Variants in CD4 observed in about 807,000 individuals in gnomAD.
The protein encoded by CD4 is CD4 molecule.
Under a neutral mutation model 50.5 loss-of-function variants are expected in CD4, and 25 were observed. That is an observed-to-expected ratio of 0.49 (90% CI 0.36 to 0.69). The LOEUF is 0.69. CD4 is among the 30% of genes least tolerant of loss of function. The pLI, the probability that CD4 is intolerant of heterozygous loss-of-function variation, is 0.00. For synonymous variants in CD4, 207 were observed against 221.9 expected (o/e 0.93, Z 0.60); for missense variants, 456 against 548.5 (o/e 0.83, Z 1.68).
intron 1 of CD4, among the ~76,000 whole-genome samples, chr12:6,795,717 C>T (rs1184450205): frequency 6.6e-6 from 1 of 152,204 alleles, no homozygotes; most frequent in Non-Finnish European, 1.5e-5. Context: ...GGCAGGGCTG[C>T]AGGTGAGGAT....
intron 3 of CD4, among the ~76,000 whole-genome samples, chr12:6,809,462 C>A (rs1243814665): frequency 5.9e-5 from 9 of 151,868 alleles, no homozygotes; most frequent in Admixed American, 4.6e-4. Flanking sequence ...CGCCACTGCA[C>A]CCCAGCCTAG....
intron 1 of CD4, among the ~76,000 whole-genome samples, chr12:6,793,175 C>T (rs911946384): frequency 1.3e-5 from 2 of 152,144 alleles, no homozygotes; most frequent in Admixed American, 1.3e-4. Context: ...CCCACAGCCT[C>T]CTCCACTTAG....
At chr12:6,817,861 A>C (rs1161984877) in intron 7 of CD4, among the ~76,000 whole-genome samples, 1 of 149,474 alleles carries the variant, frequency 6.7e-6, no homozygotes, top group Non-Finnish European at 1.5e-5. Flanking sequence ...ATGTACTCAC[A>C]CATGCATGCA....
At chr12:6,794,809 G>C (rs1487425605) in intron 1 of CD4, among the ~76,000 whole-genome samples, 2 of 71,012 alleles carry the variant, frequency 2.8e-5, no homozygotes, top group Non-Finnish European at 6.3e-5. Context: ...TTTTGAGATA[G>C]AGTCTTGCTC....
In CD4 at chr12:6,814,266, C is replaced by G; in HGVS notation, c.339C>G (p.Asp113Glu). Residue 113 changes from aspartate (D) to glutamate (E), a missense_variant, in exon 4 of 10, where the codon GAC (aspartate) becomes GAG (glutamate). Physicochemically the swap from Asp to Glu is conservative, Grantham distance 45. Coordinates refer to ENST00000011653, the MANE Select transcript of CD4 (RefSeq NM_000616.5). ...ATACTTACATCTGTGAAGTGGAGGACCAGAAGGAGGAGGTGCAATTGCTAG... is the reference window on the plus strand; with the variant it reads ...ATACTTACATCTGTGAAGTGGAGGAGCAGAAGGAGGAGGTGCAATTGCTAG... Reference protein sequence around the residue: ...DSDTYICEVEDQKEEVQLLVF... With the variant: ...DSDTYICEVEEQKEEVQLLVF... 6.2e-7 allele frequency: 1 copy of G among 1,613,920 alleles called. No homozygotes were observed. Among genetic ancestry groups the G allele is most frequent in the Non-Finnish European group, 8.5e-7 (1 of 1,179,894 alleles).
chr12:6,798,772 T>G (rs782502466), intron 1 of CD4: 1 of 152,340 alleles, frequency 6.6e-6, no homozygotes, highest in Non-Finnish European at 1.5e-5. Flanking sequence ...GGCCCTTTGC[T>G]GACCAGGATG....
At chr12:6,814,637 G>T in intron 4 of CD4, 122 bp from the exon 5 acceptor site, 1 of 826,748 alleles carries the variant, frequency 1.2e-6, no homozygotes, top group South Asian at 1.4e-5. Flanking sequence ...GTGCGCAGCT[G>T]GGTGCTGGGA....
chr12:6,804,450 C>T (rs1413276812), intron 3 of CD4, among the ~76,000 whole-genome samples: 1 of 152,144 alleles, frequency 6.6e-6, no homozygotes, highest in Non-Finnish European at 1.5e-5. Flanking sequence ...CTGTAAGAAA[C>T]TTCTTAGAAT....
chr12:6,796,997 C>A (rs1420846521), intron 1 of CD4, among the ~76,000 whole-genome samples: 2 of 152,204 alleles, frequency 1.3e-5, no homozygotes, highest in African/African-American at 2.4e-5. Flanking sequence ...CCCCTTTCCT[C>A]TCCATCTAAC....
chr12:6,815,840 G>A, intron 5 of CD4: 5 of 1,497,836 alleles, frequency 3.3e-6, no homozygotes, highest in Non-Finnish European at 4.5e-6. Flanking sequence ...TGGCTTCCGG[G>A]AGGAGGGAGG....
chr12:6,818,355 G>C lies in CD4; in HGVS notation c.1157-66G>C. ...AGAGACTGGCCAGGAGGGATTGCAGGGCAGTCCTCAGTCCCCTGGCCCGTG... is the reference window on the plus strand; with the variant it reads ...AGAGACTGGCCAGGAGGGATTGCAGCGCAGTCCTCAGTCCCCTGGCCCGTG... On this transcript the variant is annotated intron_variant, in intron 7 of 9. Transcript: ENST00000011653. This position sits in a 1 kb window ranked among gnomAD's most constrained non-coding sequence, Gnocchi z 5.0. The C allele has an allele frequency of 6.3e-7, 1 of 1,589,716 alleles. No individual in the cohort carries two copies. The highest frequency in any genetic ancestry group is 8.6e-7 in the Non-Finnish European group (1 of 1,167,202).
At chr12:6,810,950 G>A (rs1366809404) in intron 3 of CD4, among the ~76,000 whole-genome samples, 1 of 152,106 alleles carries the variant, frequency 6.6e-6, no homozygotes, top group Non-Finnish European at 1.5e-5. Flanking sequence ...GTGCTCTGAG[G>A]AAGCTTGGGG....
rs888759495 is a variant in CD4, at chr12:6,801,747, A to T, written c.214+1276A>T. On this transcript the variant is annotated intron_variant, in intron 3 of 9. Transcript: ENST00000011653. ...GGCTAATTTTTTGTACTTTTAGTAG[A>T]GACAGAGTTTCACGGTGTTAGCCAG... Among the ~76,000 whole-genome samples the T allele has an allele frequency of 4.1e-5, 6 of 145,918 alleles. No homozygotes were observed. In the East Asian group the frequency reaches 1.3e-3, roughly 31 times the overall value.
chr12:6,815,582 C>T (rs1177936459), intron 5 of CD4: 36 of 576,856 alleles, frequency 6.2e-5, no homozygotes, highest in Non-Finnish European at 9.1e-5. Context: ...CTCTCTGCAC[C>T]TTGGTTTCAG....
rs200834897 is a variant in CD4 at position 6,818,398 on chromosome 12, G to A, written c.1157-23G>A. 3 of 1,610,908 alleles carry A rather than the reference G, an allele frequency of 1.9e-6. No homozygotes were observed. The highest frequency in any genetic ancestry group is 1.7e-6 in the Non-Finnish European group (2 of 1,179,718). ...GGCCCGTGGAGGAGGGCGGTGCATT[G>A]AGCACATTTCTCTCCCTTGCAGTTC... On this transcript the variant is annotated intron_variant, in intron 7 of 9. Transcript: ENST00000011653. This position sits in a 1 kb window ranked among gnomAD's most constrained non-coding sequence, Gnocchi z 5.0.
chr12:6,801,540 T>TTTA (rs201461525), intron 3 of CD4, among the ~76,000 whole-genome samples: 154 of 148,668 alleles, frequency 1.0e-3, no homozygotes, highest in Non-Finnish European at 1.8e-3. Flanking sequence ...AAGCTGCANA[T>TTTA]TTATTATTAT....
rs1424943726 is a variant in CD4 at position 6,818,074 on chromosome 12, A to G, written c.1157-347A>G. Among the ~76,000 whole-genome samples the G allele has an allele frequency of 7.2e-6, 1 of 138,264 alleles. No homozygotes were observed. Among genetic ancestry groups the G allele is most frequent in the Non-Finnish European group, 1.6e-5 (1 of 62,894 alleles). 90.7% of individuals were successfully genotyped at this position (138,264 alleles called of 152,430 possible). ...CACATGCACACACGCACACACATTCACACATGGACTCACACGCGCACACGC... is the reference window on the plus strand; with the variant it reads ...CACATGCACACACGCACACACATTCGCACATGGACTCACACGCGCACACGC... On this transcript the variant is annotated intron_variant, in intron 7 of 9. Transcript: ENST00000011653. This position sits in a 1 kb window ranked among gnomAD's most constrained non-coding sequence, Gnocchi z 5.0.
At chr12:6,803,087 A>C (rs1942613215) in intron 3 of CD4, among the ~76,000 whole-genome samples, 1 of 151,898 alleles carries the variant, frequency 6.6e-6, no homozygotes, top group African/African-American at 2.4e-5. Flanking sequence ...AAACTCTAAA[A>C]CCCTTGGACC....
Position 6,800,361 on chromosome 12 carries a change from A to G in CD4, c.104A>G (p.Asp35Gly). The G allele has an allele frequency of 1.9e-6, 3 of 1,614,122 alleles. No individual in the cohort carries two copies. The highest frequency in any genetic ancestry group is 2.5e-6 in the Non-Finnish European group (3 of 1,180,006). ...GKKVVLGKKG[D>G]TVELTCTASQ... Reference sequence around the variant, plus strand: ...AAAGTGGTGCTGGGCAAAAAAGGGGATACAGTGGAACTGACCTGTACAGCT... The same window carrying G: ...AAAGTGGTGCTGGGCAAAAAAGGGGGTACAGTGGAACTGACCTGTACAGCT... The change falls in exon 3 of 10, where the codon GAT (aspartate) becomes GGT (glycine). Residue 35 changes from aspartate to glycine, a missense_variant. By Grantham distance (94) the Asp-to-Gly change is moderately conservative (BLOSUM62 -1). Transcript: ENST00000011653.
Sources: allele counts gnomAD v4.1 joint callset (sites outside exome capture counted in the v4.1 genomes callset), GRCh38; gene constraint gnomAD v4.1.1; non-coding constraint Gnocchi (gnomAD v3.1); transcripts MANE v1.5; gene names NCBI Gene and HGNC (gene_info 2026-07-23, HGNC 2026-07-21).